The following ITGA1 variants were observed in gnomAD, a reference collection of about 807,000 sequenced individuals.
ITGA1 encodes integrin subunit alpha 1.
ITGA1 carries 85 observed loss-of-function variants against 145.9 expected under a neutral mutation model. The ratio of observed to expected loss-of-function variants is 0.58; its 90% CI spans 0.49 to 0.70. ITGA1 has a LOEUF of 0.70. Ranked by LOEUF, ITGA1 falls within the 30% of genes least tolerant of loss-of-function variation. ITGA1 has a pLI of 0.00. For missense variants in ITGA1, 1,351 were observed against 1,418.7 expected (o/e 0.95, Z 0.77); for synonymous variants, 520 against 495.3 (o/e 1.05, Z -0.66).
intron 1 of ITGA1, among the ~76,000 whole-genome samples, chr5:52,844,491 G>T (rs1275966853): frequency 2.0e-5 from 3 of 152,104 alleles, no homozygotes; most frequent in African/African-American, 7.2e-5. Context: ...CTTTGGATTT[G>T]GAAGCCTGTG....
At chr5:52,920,123 A>G (rs1377263776) in intron 16 of ITGA1, among the ~76,000 whole-genome samples, 2 of 152,202 alleles carry the variant, frequency 1.3e-5, no homozygotes, top group Non-Finnish European at 1.5e-5. Flanking sequence ...AAGCACAGTG[A>G]ACTCAGAGAC....
Position 52,835,234 on chromosome 5 carries a change from C to A in ITGA1, c.62-14131C>A, listed in dbSNP as rs761782448. 2.0e-5 allele frequency among the ~76,000 whole-genome samples: 3 copies of A among 152,070 alleles called. No homozygotes were observed. The East Asian group carries it at 5.8e-4, about 29-fold the overall frequency. On this transcript the variant is annotated intron_variant, in intron 1 of 28. Transcript: ENST00000282588. ...TAATCATATCCAGAACTGTGCTAGG[C>A]GTTGAGAATGAGAATATAAGTTCTT... is the stretch of plus-strand genomic sequence containing the variant.
At chr5:52,789,316 T>C (rs2111635387) in intron 1 of ITGA1, among the ~76,000 whole-genome samples, 2 of 152,256 alleles carry the variant, frequency 1.3e-5, no homozygotes, top group East Asian at 3.9e-4. Context: ...TATTAATGGG[T>C]TAATTAACAG....
intron 7 of ITGA1, among the ~76,000 whole-genome samples, chr5:52,886,179 G>A (rs1360217254): frequency 3.3e-5 from 5 of 152,146 alleles, no homozygotes; most frequent in African/African-American, 1.2e-4. Context: ...TTTTGGTCAA[G>A]GAGAGGGTCT....
chr5:52,869,155 C>A (rs566642500), intron 6 of ITGA1, among the ~76,000 whole-genome samples: 5 of 152,184 alleles, frequency 3.3e-5, no homozygotes, highest in African/African-American at 2.4e-5. Flanking sequence ...CCATATGATT[C>A]TTTTCTGTTT....
At chr5:52,902,148 G>A (rs1750325558) in intron 11 of ITGA1, 2 of 152,144 alleles carry the variant, frequency 1.3e-5, no homozygotes, top group Admixed American at 1.3e-4. Flanking sequence ...TATGAAGGAA[G>A]CAGAGGCAGA....
intron 24 of ITGA1, among the ~76,000 whole-genome samples, chr5:52,938,814 A>G (rs1228593374): frequency 6.6e-6 from 1 of 152,142 alleles, no homozygotes; most frequent in African/African-American, 2.4e-5. Context: ...AATCAAAAGT[A>G]TTACTGGATG....
intron 12 of ITGA1, among the ~76,000 whole-genome samples, chr5:52,907,870 TA>T (rs911412646): frequency 6.6e-6 from 1 of 152,088 alleles, no homozygotes; most frequent in Non-Finnish European, 1.5e-5. Flanking sequence ...ATTCAACTTT[TA>T]AAAAAACCTC....
intron 6 of ITGA1, among the ~76,000 whole-genome samples, chr5:52,873,717 A>G (rs148841193): frequency 1.3e-5 from 2 of 152,340 alleles, no homozygotes; most frequent in East Asian, 1.9e-4. Context: ...ATAAAAGGAA[A>G]TATACATTGG....
In ITGA1 at chr5:52,864,776, T is replaced by C. The variant is rs1386506133; in HGVS notation, c.309T>C (p.Ile103=). 1 of 1,607,582 alleles carries C rather than the reference T, an allele frequency of 6.2e-7. No individual in the cohort carries two copies. Among genetic ancestry groups the C allele is most frequent in the Non-Finnish European group, 8.5e-7 (1 of 1,176,696 alleles). ...VKLDLPVNTS[I]PNVTEVKENM... is the part of the protein sequence containing the mutation. ...TTCTATTTTTAGTTAATACATCAAT[T>C]CCCAATGTCACAGAAGTAAAGGAGA... The change falls in exon 4 of 29, where the codon ATT becomes ATC. Residue 103 remains isoleucine, a synonymous_variant. Coordinates refer to ENST00000282588, the MANE Select transcript of ITGA1 (RefSeq NM_181501.2).
At chr5:52,798,302 G>C (rs896181567) in intron 1 of ITGA1, among the ~76,000 whole-genome samples, 1 of 152,072 alleles carries the variant, frequency 6.6e-6, no homozygotes, top group Non-Finnish European at 1.5e-5. Flanking sequence ...CATAGAGAGC[G>C]AGAAACAAAG....
In ITGA1 at chr5:52,955,308, T is replaced by C. The variant is rs1400041029; in HGVS notation, c.*2857T>C. 1 of 152,260 alleles carries C rather than the reference T, an allele frequency of 6.6e-6. No individual in the cohort carries two copies. Among genetic ancestry groups the C allele is most frequent in the Non-Finnish European group, 1.5e-5 (1 of 68,008 alleles). The allele number at this position is 152,260 out of a possible 1,614,324, so 9.4% of individuals were successfully genotyped here. A position where few individuals can be genotyped will look rare whatever the true frequency, so the allele number is the denominator to read the frequency against. On this transcript the variant is annotated 3_prime_UTR_variant, in exon 29 of 29. Coordinates refer to ENST00000282588, the MANE Select transcript of ITGA1 (RefSeq NM_181501.2). The stretch of plus-strand genomic sequence containing the variant: ...CCACCTCTTACCAACCAGTGTGAGC[T>C]GACTTCAGCACACCACTGAGACAGA...
chr5:52,824,693 C>T (rs937619011), intron 1 of ITGA1: 25 of 152,290 alleles, frequency 1.6e-4, no homozygotes, highest in African/African-American at 5.8e-4. Flanking sequence ...TGCCCAATTA[C>T]ACAATCCTCT....
intron 1 of ITGA1, chr5:52,801,604 A>G (rs1368444434): frequency 3.1e-6 from 5 of 1,614,120 alleles, no homozygotes; most frequent in East Asian, 4.5e-5. Context: ...AGCCATGGCA[A>G]TTGACACATT....
intron 1 of ITGA1, among the ~76,000 whole-genome samples, chr5:52,819,413 T>C (rs865784457): frequency 3.7e-4 from 56 of 152,366 alleles, no homozygotes; most frequent in Middle Eastern, 3.4e-3. Flanking sequence ...ATGAGCATTT[T>C]TTCATGTGTC....
At position 52,910,313 on chromosome 5, in the gene ITGA1, A is replaced by G; in HGVS notation, c.1751A>G (p.Asp584Gly). ...GCTGCTGTAAAAGACCTCAATCTTGATGGATTTAATGACATCGTGATAGGA... is the reference window on the plus strand; with the variant it reads ...GCTGCTGTAAAAGACCTCAATCTTGGTGGATTTAATGACATCGTGATAGGA... ...AIAAVKDLNL[D>G]GFNDIVIGAP... Residue 584 changes from aspartate (D) to glycine (G), a missense_variant, in exon 14 of 29, where the codon GAT (aspartate) becomes GGT (glycine). Transcript: ENST00000282588. 7 of 1,614,030 alleles carry G rather than the reference A, an allele frequency of 4.3e-6. No individual in the cohort carries two copies. Among genetic ancestry groups the G allele is most frequent in the Non-Finnish European group, 5.9e-6 (7 of 1,179,946 alleles).
At chr5:52,932,255 C>T in intron 22 of ITGA1, 119 bp downstream of exon 22, 1 of 623,010 alleles carries the variant, frequency 1.6e-6, no homozygotes, top group Non-Finnish European at 2.8e-6. Flanking sequence ...GGCAAATTCT[C>T]TGGCCCCACC....
At chr5:52,911,496 A>G (rs1374403535) in intron 14 of ITGA1, among the ~76,000 whole-genome samples, 1 of 129,122 alleles carries the variant, frequency 7.7e-6, no homozygotes, top group Admixed American at 9.1e-5. Flanking sequence ...TATAGTATAT[A>G]TAGTAGATAC....
At chr5:52,918,707 G>T in intron 15 of ITGA1, 25 bp from the exon 16 acceptor site, 1 of 1,593,340 alleles carries the variant, frequency 6.3e-7, no homozygotes, top group Non-Finnish European at 8.5e-7. Context: ...AAATGTGTGA[G>T]TAATCCCATT....
Sources: allele counts gnomAD v4.1 joint callset (sites outside exome capture counted in the v4.1 genomes callset), GRCh38; gene constraint gnomAD v4.1.1; transcripts MANE v1.5; gene names NCBI Gene and HGNC (gene_info 2026-07-23, HGNC 2026-07-21).